Variants in MYOM2 observed in about 807,000 individuals in gnomAD.
MYOM2 encodes myomesin-2.
Under a neutral mutation model 187.6 loss-of-function variants are expected in MYOM2, and 254 were observed. The observed-to-expected ratio is 1.35, with a 90% CI of 1.22 to 1.50. MYOM2 has a LOEUF of 1.50. Ranked by LOEUF, MYOM2 falls within the 40% of genes most tolerant of loss-of-function variation. MYOM2 has a pLI of 0.00. For missense variants in MYOM2, 2,796 were observed against 1,924.0 expected, an observed-to-expected ratio of 1.45 and a Z score of -8.48; for synonymous variants, 981 against 753.8, an observed-to-expected ratio of 1.30 and a Z score of -4.94.
rs771483671 is a variant in MYOM2, at chr8:2,085,281, G to A, written c.1535G>A (p.Gly512Glu). 5.0e-6 allele frequency: 8 copies of A among 1,614,032 alleles called. No individual in the cohort carries two copies. The highest frequency in any genetic ancestry group is 5.9e-6 in the Non-Finnish European group (7 of 1,179,982). The change falls in exon 14 of 37, where the codon GGG becomes GAG. Residue 512 changes from glycine to glutamate, a missense_variant. Transcript: ENST00000262113. ...DDLEGDAQVP[G>E]PPTGVHASEI... ...CCTCCAGGTGACGCCCAGGTTCCAG[G>A]GCCTCCCACCGGTGTGCACGCTTCC...
chr8:2,113,690 C>T (rs144703206), intron 25 of MYOM2, among the ~76,000 whole-genome samples: 38 of 152,274 alleles, frequency 2.5e-4, no homozygotes, highest in African/African-American at 8.2e-4. Context: ...AAGGAAGTTC[C>T]GGTCCTGACC....
chr8:2,085,057 T>C, intron 13 of MYOM2: 1 of 597,210 alleles, frequency 1.7e-6, no homozygotes. Flanking sequence ...CTTATATCTG[T>C]ATTGGAAGCA....
chr8:2,118,490 C>G (rs543234974), intron 28 of MYOM2, among the ~76,000 whole-genome samples: 1 of 152,076 alleles, frequency 6.6e-6, no homozygotes, highest in Non-Finnish European at 1.5e-5. Flanking sequence ...TGTTTTTACT[C>G]CCAAACTAGT....
chr8:2,059,070 A>C, intron 5 of MYOM2, 83 bp from the exon 6 acceptor site: 1 of 1,122,334 alleles, frequency 8.9e-7, no homozygotes, highest in Non-Finnish European at 1.3e-6. Flanking sequence ...AATGGGCAGC[A>C]GGCGCGGGGG....
intron 18 of MYOM2, chr8:2,097,027 T>G (rs1796515964): frequency 1.4e-6 from 1 of 729,842 alleles, no homozygotes. Flanking sequence ...TGACCCCTCA[T>G]CTGAGCATAG....
chr8:2,053,077 C>T (rs1176406013), intron 3 of MYOM2, among the ~76,000 whole-genome samples: 1 of 152,120 alleles, frequency 6.6e-6, no homozygotes, highest in Non-Finnish European at 1.5e-5. Flanking sequence ...TATTTTTTCC[C>T]TCATCTCCCC....
rs557796981 is a variant in MYOM2, at chr8:2,106,500, G to A, written c.2901G>A (p.Leu967=). 4 of 1,612,342 alleles carry A rather than the reference G, an allele frequency of 2.5e-6. No homozygotes were observed. The East Asian group carries it at 8.9e-5, about 36-fold the overall frequency. ...TCTTCTTCCTTTTTAGCTCCAAGCT[G>A]TACTTAAAGAATCCGGATAAGGAGG... ...KIETVGDHSK[L]YLKNPDKEDL... Residue 967 remains leucine, a synonymous_variant, in exon 23 of 37, where the codon CTG becomes CTA. Coordinates refer to ENST00000262113, the MANE Select transcript of MYOM2 (RefSeq NM_003970.4).
intron 10 of MYOM2, 24 bp from the exon 11 acceptor site, chr8:2,076,117 T>C: frequency 6.2e-7 from 1 of 1,603,628 alleles, no homozygotes; most frequent in South Asian, 1.1e-5. Context: ...GACAGGCGTG[T>C]GCCTTTTCTC....
At chr8:2,070,964 T>TTA (rs1554542845) in intron 8 of MYOM2, among the ~76,000 whole-genome samples, 1 of 151,912 alleles carries the variant, frequency 6.6e-6, no homozygotes, top group Non-Finnish European at 1.5e-5. Flanking sequence ...AATTTTTTAT[T>TTA]TTTATTTATT....
chr8:2,135,369 G>T (rs1345773221), intron 32 of MYOM2, among the ~76,000 whole-genome samples: 2 of 152,048 alleles, frequency 1.3e-5, no homozygotes, highest in Admixed American at 1.3e-4. Context: ...ATGTTCATTT[G>T]TTACTGTTCG....
intron 1 of MYOM2, among the ~76,000 whole-genome samples, chr8:2,045,972 G>A (rs1818299432): frequency 6.6e-6 from 1 of 152,178 alleles, no homozygotes; most frequent in Non-Finnish European, 1.5e-5. Context: ...AAGTAAAACA[G>A]GACTCAAAGA....
chr8:2,069,328 A>G lies in MYOM2; in HGVS notation c.704A>G (p.His235Arg). ...TACTCAGCAGTGGCCACCAATGCCCACGGACAAGTGTCCACCAACGCGGCG... is the reference window on the plus strand; with the variant it reads ...TACTCAGCAGTGGCCACCAATGCCCGCGGACAAGTGTCCACCAACGCGGCG... ...ATYSAVATNA[H>R]GQVSTNAAVV... Residue 235 changes from histidine (H) to arginine (R), a missense_variant, in exon 7 of 37, where the codon CAC becomes CGC. By Grantham distance (29) the His-to-Arg change is conservative. Coordinates refer to ENST00000262113, the MANE Select transcript of MYOM2 (RefSeq NM_003970.4). The G allele has an allele frequency of 6.2e-7, 1 of 1,613,922 alleles. No individual in the cohort carries two copies. The highest frequency in any genetic ancestry group is 8.5e-7 in the Non-Finnish European group (1 of 1,179,962).
intron 25 of MYOM2, among the ~76,000 whole-genome samples, chr8:2,112,203 G>A (rs4876225): frequency 0.3 from 45,366 of 151,902 alleles, 7,136 homozygotes; most frequent in Non-Finnish European, 0.34. Context: ...AGACTGTCAC[G>A]GAGTCAAAGA....
intron 1 of MYOM2, among the ~76,000 whole-genome samples, chr8:2,045,386 C>A (rs1818278512): frequency 6.6e-6 from 1 of 152,164 alleles, no homozygotes. Context: ...CATTTTATTT[C>A]CCACAGCCGT....
At chr8:2,111,615 A>G (rs1797070094) in intron 25 of MYOM2, among the ~76,000 whole-genome samples, 1 of 152,240 alleles carries the variant, frequency 6.6e-6, no homozygotes, top group Non-Finnish European at 1.5e-5. Context: ...CACACTGTAA[A>G]GAAATCCAAG....
intron 30 of MYOM2, among the ~76,000 whole-genome samples, 176 bp downstream of exon 30, chr8:2,123,818 G>A (rs1019903255): frequency 6.6e-6 from 1 of 152,144 alleles, no homozygotes; most frequent in South Asian, 2.1e-4. Flanking sequence ...TTTTTTCAGT[G>A]TTTTAGAATA....
In MYOM2 at chr8:2,090,028, C is replaced by T. The variant is rs751717958; in HGVS notation, c.1665C>T (p.Ser555=). 1 of 1,613,832 alleles carries T rather than the reference C, an allele frequency of 6.2e-7. No homozygotes were observed. Among genetic ancestry groups the T allele is most frequent in the South Asian group, 1.1e-5 (1 of 91,056 alleles). ...TGTAGTCCGTGGTGGGGAGCGGCAG[C>T]TGGCAGAGAGTCAACGCCCAGACGG... The part of the protein sequence containing the change: ...FIEKSVVGSG[S]WQRVNAQTAV... The change falls in exon 15 of 37, where the codon AGC becomes AGT. Residue 555 remains serine, a synonymous_variant. Coordinates refer to ENST00000262113, the MANE Select transcript of MYOM2 (RefSeq NM_003970.4).
chr8:2,116,216 C>G lies in MYOM2; in HGVS notation c.3326C>G (p.Ala1109Gly). ...SQSSLVLIGD[A>G]FKTVLEEAEF... ...ATATTTTTTTAAATATTGAATTTAG[C>G]ATTCAAGACTGTGCTGGAAGAGGCT... is the stretch of plus-strand genomic sequence containing the variant. Residue 1109 changes from alanine (A) to glycine (G), a missense_variant and splice_region_variant, in exon 27 of 37, where the codon GCA becomes GGA. Coordinates refer to ENST00000262113, the MANE Select transcript of MYOM2 (RefSeq NM_003970.4). 6.2e-7 allele frequency: 1 copy of G among 1,603,372 alleles called. No individual in the cohort carries two copies.
intron 24 of MYOM2, 128 bp downstream of exon 24, chr8:2,108,958 C>T: frequency 2.2e-6 from 2 of 909,760 alleles, no homozygotes; most frequent in East Asian, 2.4e-5. Flanking sequence ...TCCCAGCTTA[C>T]AGGATTGAAA....
Sources: gnomAD v4.1 joint callset for allele counts (sites outside exome capture counted in the v4.1 genomes callset) on GRCh38, gnomAD v4.1.1 for gene constraint, MANE v1.5 for transcripts, NCBI Gene and HGNC (gene_info 2026-07-23, HGNC 2026-07-21) for gene names.